PCDH15: variants seen among roughly 807,000 people sequenced by gnomAD.
The protein encoded by PCDH15 is protocadherin-15.
PCDH15 carries 129 observed loss-of-function variants against 178.5 expected under a neutral mutation model. That is an observed-to-expected ratio of 0.72 (90% CI 0.63 to 0.84). PCDH15 has a LOEUF of 0.84. PCDH15 is among the 40% of genes least tolerant of loss of function. PCDH15 has a pLI of 0.00. For synonymous variants in PCDH15, 800 were observed against 732.0 expected (o/e 1.09, Z -1.50); for missense variants, 2,230 against 2,099.9 (o/e 1.06, Z -1.21).
At chr10:54,738,180 T>C (rs1944363933) in intron 1 of PCDH15, among the ~76,000 whole-genome samples, 1 of 152,070 alleles carries the variant, frequency 6.6e-6, no homozygotes, top group South Asian at 2.1e-4. Context: ...TTGAGAAATT[T>C]GGGTTTTACT....
chr10:55,596,862 G>A (rs1333216550), intron 2 of PCDH15, among the ~76,000 whole-genome samples: 1 of 151,988 alleles, frequency 6.6e-6, no homozygotes, highest in African/African-American at 2.4e-5. Flanking sequence ...AGGTTTTTGA[G>A]GATTTAGTTT....
At chr10:55,463,973 G>A (rs570066210) in intron 2 of PCDH15, among the ~76,000 whole-genome samples, 5 of 11,764 alleles carry the variant, frequency 4.3e-4, no homozygotes, top group African/African-American at 3.2e-3. Context: ...AAGAAAGAAA[G>A]AGAAAGAAAG....
chr10:55,036,758 A>T (rs146920002), intron 2 of PCDH15, among the ~76,000 whole-genome samples: 15 of 152,324 alleles, frequency 9.8e-5, no homozygotes, highest in African/African-American at 3.4e-4. Flanking sequence ...AACATATCGT[A>T]TATTTATCTA....
At chr10:54,782,459 T>A (rs1405361230) in intron 1 of PCDH15, among the ~76,000 whole-genome samples, 5 of 152,254 alleles carry the variant, frequency 3.3e-5, no homozygotes, top group African/African-American at 1.2e-4. Flanking sequence ...GCTCCAATTT[T>A]ATGTGTCAAG....
intron 2 of PCDH15, among the ~76,000 whole-genome samples, chr10:55,164,685 T>C (rs1839152642): frequency 1.3e-5 from 2 of 152,060 alleles, no homozygotes; most frequent in African/African-American, 4.8e-5. Context: ...TGTACTAATG[T>C]CAGGACAAAA....
At chr10:54,324,034 A>C (rs2133800399) in intron 7 of PCDH15, among the ~76,000 whole-genome samples, 1 of 152,184 alleles carries the variant, frequency 6.6e-6, no homozygotes, top group South Asian at 2.1e-4. Flanking sequence ...AGGTCCCATA[A>C]ACCATCACCT....
intron 3 of PCDH15, among the ~76,000 whole-genome samples, chr10:54,463,056 A>G (rs1172888545): frequency 6.6e-6 from 1 of 152,152 alleles, no homozygotes; most frequent in East Asian, 1.9e-4. Flanking sequence ...GCTCGTTATA[A>G]GATCAATCAG....
intron 1 of PCDH15, among the ~76,000 whole-genome samples, chr10:55,178,900 C>A (rs75514598): frequency 6.6e-6 from 1 of 152,096 alleles, no homozygotes; most frequent in Non-Finnish European, 1.5e-5. Flanking sequence ...AATTTAACTG[C>A]CCTCCCCCAA....
intron 1 of PCDH15, among the ~76,000 whole-genome samples, chr10:55,193,800 T>G (rs993210748): frequency 1.3e-5 from 2 of 151,956 alleles, no homozygotes; most frequent in African/African-American, 4.8e-5. Flanking sequence ...ATTTTTGTAC[T>G]TTCTTCTTTC....
chr10:53,925,111 G>A (rs1236922977), intron 25 of PCDH15, among the ~76,000 whole-genome samples: 1 of 152,132 alleles, frequency 6.6e-6, no homozygotes, highest in Non-Finnish European at 1.5e-5. Flanking sequence ...ACCAGCTGGG[G>A]TCCTCTTCCA....
intron 8 of PCDH15, among the ~76,000 whole-genome samples, chr10:54,240,619 TCTTTTG>T (rs1226397232): frequency 3.5e-5 from 5 of 143,444 alleles, no homozygotes; most frequent in African/African-American, 7.7e-5. Context: ...TTATTTATTT[TCTTTTG>T]CTTTTTTTTT....
chr10:54,365,518 T>C (rs1216143564), intron 5 of PCDH15, among the ~76,000 whole-genome samples: 1 of 152,118 alleles, frequency 6.6e-6, no homozygotes, highest in Non-Finnish European at 1.5e-5. Flanking sequence ...ATAAGCTCTA[T>C]ATTAACTTGA....
chr10:53,892,065 C>A (rs2081605256), intron 26 of PCDH15, among the ~76,000 whole-genome samples: 1 of 141,836 alleles, frequency 7.1e-6, no homozygotes, highest in Non-Finnish European at 1.5e-5. Flanking sequence ...GTCTCTGTCG[C>A]CCAGGCCGGA....
intron 2 of PCDH15, among the ~76,000 whole-genome samples, chr10:54,936,914 T>A (rs1480794953): frequency 2.6e-5 from 4 of 151,938 alleles, no homozygotes; most frequent in Non-Finnish European, 5.9e-5. Flanking sequence ...TAATAATTAA[T>A]CACATAATCC....
chr10:55,294,678 A>G (rs182555847), intron 1 of PCDH15, among the ~76,000 whole-genome samples: 2 of 152,198 alleles, frequency 1.3e-5, no homozygotes, highest in Non-Finnish European at 2.9e-5. Context: ...ATAGGAGTCC[A>G]ATGTGTTCAT....
In PCDH15 at chr10:54,694,609, T is replaced by A. The variant is rs1007039990; in HGVS notation, c.-28-30319A>T. ...AATTATCATAATATTTCAAACTTTA[T>A]TATTATTATTATTTGTTATAGAGAT... On this transcript the variant is annotated intron_variant, in intron 1 of 37. Coordinates refer to ENST00000644397, the MANE Select transcript of PCDH15 (RefSeq NM_001384140.1). Among the ~76,000 whole-genome samples the A allele has an allele frequency of 4.6e-5, 7 of 151,672 alleles. No homozygotes were observed. The South Asian group carries it at 1.2e-3, about 27-fold the overall frequency.
At chr10:54,233,329 C>T (rs982761339) in intron 9 of PCDH15, among the ~76,000 whole-genome samples, 2 of 151,654 alleles carry the variant, frequency 1.3e-5, no homozygotes, top group African/African-American at 2.4e-5. Flanking sequence ...GATTAAAATA[C>T]ATGTTACAAA....
chr10:55,486,578 G>T (rs553948505), intron 2 of PCDH15, among the ~76,000 whole-genome samples: 14 of 151,722 alleles, frequency 9.2e-5, no homozygotes, highest in African/African-American at 3.4e-4. Flanking sequence ...TCCTTGGAAA[G>T]AGGTAATGAA....
At position 54,834,693 on chromosome 10, in the gene PCDH15, A is replaced by G. The variant is rs1052479451; in HGVS notation, c.-29+62757T>C. On this transcript the variant is annotated intron_variant, in intron 3 of 5. Transcript: ENST00000458638. ...ACAAACACTCTATACTATAGATTTT[A>G]TGTTCATTTAAGATGTCTTAGTTTA... 3.9e-5 allele frequency among the ~76,000 whole-genome samples: 6 copies of G among 152,218 alleles called. No individual in the cohort carries two copies. The South Asian group carries it at 6.2e-4, about 16-fold the overall frequency.
Sources: allele counts gnomAD v4.1 joint callset (sites outside exome capture counted in the v4.1 genomes callset), GRCh38; gene constraint gnomAD v4.1.1; transcripts MANE v1.5; gene names NCBI Gene and HGNC (gene_info 2026-07-23, HGNC 2026-07-21).